CDH10: variants seen among roughly 807,000 people sequenced by gnomAD.
CDH10 encodes the protein cadherin-10.
Under a neutral mutation model 73.1 loss-of-function variants are expected in CDH10, and 30 were observed. The ratio of observed to expected loss-of-function variants is 0.41; its 90% CI spans 0.31 to 0.56. The LOEUF is 0.56. CDH10 is among the 20% of genes least tolerant of loss of function. CDH10 has a pLI of 0.27. For missense variants in CDH10, 815 were observed against 973.7 expected (o/e 0.84, Z 2.17); for synonymous variants, 345 against 348.2 (o/e 0.99, Z 0.10).
At chr5:24,597,573 T>C (rs886615160) in intron 1 of CDH10, among the ~76,000 whole-genome samples, 5 of 152,076 alleles carry the variant, frequency 3.3e-5, no homozygotes, top group Admixed American at 2.0e-4. Context: ...CTACAGTAGA[T>C]AGGATAGCAA....
intron 1 of CDH10, among the ~76,000 whole-genome samples, chr5:24,595,438 G>A (rs1416207485): frequency 6.6e-6 from 1 of 151,918 alleles, no homozygotes; most frequent in African/African-American, 2.4e-5. Context: ...AATGCCTGAA[G>A]ACGTACAGCA....
Position 24,487,487 on chromosome 5 carries a change from T to C in CDH10, c.*176A>G, listed in dbSNP as rs931297416. ...TGATTAAATAAAATGTCATATATAT[T>C]CCATGAGACATCCTACAGGAAAGAA... On this transcript the variant is annotated 3_prime_UTR_variant, in exon 12 of 12. Transcript: ENST00000264463. The C allele has an allele frequency of 3.3e-6, 2 of 606,500 alleles. No individual in the cohort carries two copies. Among genetic ancestry groups the C allele is most frequent in the African/African-American group, 3.7e-5 (2 of 53,820 alleles). The allele number at this position is 606,500 out of a possible 1,614,324, so 37.6% of individuals were successfully genotyped here.
intron 2 of CDH10, among the ~76,000 whole-genome samples, chr5:24,547,590 A>G (rs1744389899): frequency 6.6e-6 from 1 of 152,068 alleles, no homozygotes; most frequent in African/African-American, 2.4e-5. Context: ...CTTTTGTTGA[A>G]TAGAGTCTGT....
chr5:24,492,910 T>C lies in CDH10; in HGVS notation c.1531A>G (p.Ser511Gly). 6.7e-7 allele frequency: 1 copy of C among 1,500,750 alleles called. No individual in the cohort carries two copies. 93.0% of individuals were successfully genotyped at this position (1,500,750 alleles called of 1,614,324 possible). A position where few individuals can be genotyped will look rare whatever the true frequency, so the allele number is the denominator to read the frequency against. Residue 511 changes from serine to glycine, a missense_variant, in exon 10 of 12, where the codon AGT (serine) becomes GGT (glycine). Physicochemically the swap from Ser to Gly is moderately conservative, Grantham distance 56. Around this residue, in one of 3 missense-constraint regions of CDH10, gnomAD observed 516 missense variants for 636.6 expected, o/e 0.81. Coordinates refer to ENST00000264463, the MANE Select transcript of CDH10 (RefSeq NM_006727.5). ...AAAGGGTCATCTTTGTCTACTGCAC[T>C]TATAGTCTGTATTAGCTGCAGAAAA... ...ARPGQLIQTI[S>G]AVDKDDPLGG...
chr5:24,519,647 G>A (rs1257531029), intron 5 of CDH10, among the ~76,000 whole-genome samples: 2 of 152,148 alleles, frequency 1.3e-5, no homozygotes, highest in African/African-American at 4.8e-5. Flanking sequence ...AAGCCAAGAC[G>A]TGATACCATT....
intron 2 of CDH10, among the ~76,000 whole-genome samples, chr5:24,574,743 T>TCATAGGTCACC (rs1745533145): frequency 5.4e-5 from 4 of 74,624 alleles, no homozygotes; most frequent in Non-Finnish European, 8.8e-5. Context: ...GTATGACAAT[T>TCATAGGTCACC]AACTTCCGAA....
intron 4 of CDH10, 99 bp downstream of exon 4, chr5:24,535,604 A>C: frequency 9.5e-7 from 1 of 1,050,072 alleles, no homozygotes; most frequent in Non-Finnish European, 1.4e-6. Flanking sequence ...ATCTGTGAGT[A>C]TTAATGTTAA....
intron 5 of CDH10, among the ~76,000 whole-genome samples, chr5:24,526,457 C>T (rs139534825): frequency 6.6e-6 from 1 of 151,948 alleles, no homozygotes; most frequent in Non-Finnish European, 1.5e-5. Context: ...ACATCAGATT[C>T]ACATGCTGTA....
chr5:24,631,704 G>A (rs974622536), intron 1 of CDH10, among the ~76,000 whole-genome samples: 2 of 151,770 alleles, frequency 1.3e-5, no homozygotes, highest in Non-Finnish European at 2.9e-5. Context: ...ACTTTTAAAC[G>A]TGGCTCTCTC....
intron 5 of CDH10, among the ~76,000 whole-genome samples, chr5:24,512,204 G>T (rs1267071160): frequency 6.6e-6 from 1 of 151,950 alleles, no homozygotes; most frequent in Non-Finnish European, 1.5e-5. Context: ...TTTGAGATGG[G>T]TGTCTTGCTA....
intron 1 of CDH10, among the ~76,000 whole-genome samples, chr5:24,614,364 C>T (rs1427966113): frequency 6.6e-6 from 1 of 152,130 alleles, no homozygotes; most frequent in Non-Finnish European, 1.5e-5. Context: ...TAAATAGAAA[C>T]ATATCTCCAG....
chr5:24,516,639 T>C (rs146381791), intron 5 of CDH10, among the ~76,000 whole-genome samples: 3 of 152,112 alleles, frequency 2.0e-5, no homozygotes, highest in African/African-American at 4.8e-5. Flanking sequence ...TCTAATAATA[T>C]GGTTATTTAT....
intron 1 of CDH10, among the ~76,000 whole-genome samples, chr5:24,640,540 AAAAAG>A (rs760818395): frequency 2.6e-5 from 4 of 151,756 alleles, no homozygotes; most frequent in Non-Finnish European, 4.4e-5. Context: ...CTTGAAAAAA[AAAAAG>A]AAAAGATTGA....
chr5:24,614,325 T>C (rs1747057176), intron 1 of CDH10, among the ~76,000 whole-genome samples: 2 of 152,196 alleles, frequency 1.3e-5, no homozygotes, highest in Non-Finnish European at 1.5e-5. Context: ...GCACACAATA[T>C]ATTCCTTAAT....
chr5:24,522,840 A>G (rs1218165379), intron 5 of CDH10, among the ~76,000 whole-genome samples: 1 of 152,214 alleles, frequency 6.6e-6, no homozygotes, highest in Non-Finnish European at 1.5e-5. Context: ...AAATTTTAGC[A>G]CATGAGACCT....
At chr5:24,488,649 A>G (rs2111617319) in intron 11 of CDH10, among the ~76,000 whole-genome samples, 2 of 152,282 alleles carry the variant, frequency 1.3e-5, no homozygotes, top group South Asian at 4.1e-4. Flanking sequence ...GACTTCTGTT[A>G]AATAGCTTTG....
At chr5:24,568,971 G>C (rs144544875) in intron 2 of CDH10, among the ~76,000 whole-genome samples, 1 of 151,926 alleles carries the variant, frequency 6.6e-6, no homozygotes, top group East Asian at 1.9e-4. Flanking sequence ...TTAGCTGTCC[G>C]TGGTGGCAGG....
chr5:24,546,604 G>T (rs892229278), intron 2 of CDH10, among the ~76,000 whole-genome samples: 1 of 151,926 alleles, frequency 6.6e-6, no homozygotes, highest in Admixed American at 6.6e-5. Flanking sequence ...TATTTAAATT[G>T]CTTATGTATA....
chr5:24,605,807 C>A (rs1284421696), intron 1 of CDH10, among the ~76,000 whole-genome samples: 2 of 152,086 alleles, frequency 1.3e-5, no homozygotes, highest in East Asian at 3.9e-4. Context: ...CGGGAACAAC[C>A]CAAATGTCCT....
Sources: allele counts gnomAD v4.1 joint callset (sites outside exome capture counted in the v4.1 genomes callset), GRCh38; gene constraint gnomAD v4.1.1; regional missense constraint gnomAD v4.1.1; transcripts MANE v1.5; gene names NCBI Gene and HGNC (gene_info 2026-07-23, HGNC 2026-07-21).